Variants in UBXN2A observed in about 807,000 individuals in gnomAD.
UBXN2A encodes the protein UBX domain-containing protein 2A.
In UBXN2A, 28 loss-of-function variants were observed where a neutral mutation model predicts 28.4. The observed-to-expected ratio is 0.99, with a 90% CI of 0.73 to 1.35. The LOEUF is 1.35. UBXN2A is among the 40% of genes most tolerant of loss of function. The probability of loss-of-function intolerance (pLI) is 0.00; values close to 1 mark genes in which losing one functional copy is unlikely to be tolerated. For missense variants in UBXN2A, 253 were observed against 297.9 expected (o/e 0.85, Z 1.11); for synonymous variants, 97 against 103.6 (o/e 0.94, Z 0.39).
At chr2:23,995,709 A>C (rs1375590558) in intron 6 of UBXN2A, among the ~76,000 whole-genome samples, 11 of 151,346 alleles carry the variant, frequency 7.3e-5, no homozygotes, top group African/African-American at 2.7e-4. Flanking sequence ...AAAAAAGAAA[A>C]GAAAAAAAAA....
At chr2:23,961,386 G>A (rs1420884794) in intron 2 of UBXN2A, among the ~76,000 whole-genome samples, 4 of 152,040 alleles carry the variant, frequency 2.6e-5, no homozygotes, top group East Asian at 3.9e-4. Context: ...GTGAGCCACC[G>A]TGCCTGGCCT....
At chr2:23,933,598 TGTA>T (rs1245408058) in intron 1 of UBXN2A, among the ~76,000 whole-genome samples, 1 of 152,180 alleles carries the variant, frequency 6.6e-6, no homozygotes, top group Non-Finnish European at 1.5e-5. Context: ...TGTAAGTACC[TGTA>T]GTCCCAGCTA....
chr2:23,980,345 T>C (rs1707843339), intron 4 of UBXN2A, among the ~76,000 whole-genome samples: 2 of 152,194 alleles, frequency 1.3e-5, no homozygotes, highest in Admixed American at 1.3e-4. Flanking sequence ...TATATTAACT[T>C]TATGAAGAAC....
In UBXN2A at chr2:24,002,623, TG is replaced by T. The variant is rs994219970; in HGVS notation, c.*2758del. The T allele has an allele frequency of 6.6e-6, 1 of 152,170 alleles. No homozygotes were observed. Among genetic ancestry groups the T allele is most frequent in the African/African-American group, 2.4e-5 (1 of 41,438 alleles). 9.4% of individuals were successfully genotyped at this position (152,170 alleles called of 1,614,324 possible). ...CGGGGTTTCGCCATGTTGGCCTGGCTGGCCTCTAACTCGTAACCTCAGGTGA... is the reference window on the plus strand; with the variant it reads ...CGGGGTTTCGCCATGTTGGCCTGGCTGCCTCTAACTCGTAACCTCAGGTGA... On this transcript the variant is annotated 3_prime_UTR_variant, in exon 7 of 7. Coordinates refer to ENST00000309033, the MANE Select transcript of UBXN2A (RefSeq NM_181713.4).
chr2:23,951,130 T>A (rs1420339704), intron 1 of UBXN2A, among the ~76,000 whole-genome samples: 1 of 152,128 alleles, frequency 6.6e-6, no homozygotes, highest in Non-Finnish European at 1.5e-5. Flanking sequence ...GTGAGAACAT[T>A]TAAAACCCAT....
chr2:23,943,011 T>A (rs1024407626), intron 1 of UBXN2A, among the ~76,000 whole-genome samples: 2 of 151,534 alleles, frequency 1.3e-5, no homozygotes, highest in African/African-American at 2.4e-5. Context: ...GCAGGAGTGC[T>A]GTGGTGCAAT....
intron 1 of UBXN2A, among the ~76,000 whole-genome samples, chr2:23,945,616 C>T (rs1361819316): frequency 2.0e-5 from 3 of 152,018 alleles, no homozygotes; most frequent in East Asian, 3.9e-4. Context: ...TAAAAAGAAA[C>T]GTAAGCTTCT....
intron 1 of UBXN2A, among the ~76,000 whole-genome samples, chr2:23,953,119 C>G (rs1376575934): frequency 6.6e-6 from 1 of 151,950 alleles, no homozygotes; most frequent in East Asian, 1.9e-4. Context: ...GGATTCAAAT[C>G]TTTGAAATTA....
chr2:23,963,401 A>G (rs1707021775), intron 2 of UBXN2A, among the ~76,000 whole-genome samples: 1 of 151,222 alleles, frequency 6.6e-6, no homozygotes, highest in African/African-American at 2.4e-5. Flanking sequence ...TGTAATCCCA[A>G]CTACTCGGGG....
chr2:23,959,590 GA>G (rs1287662953), intron 2 of UBXN2A, among the ~76,000 whole-genome samples: 1 of 152,190 alleles, frequency 6.6e-6, no homozygotes, highest in Admixed American at 6.6e-5. Flanking sequence ...GAATTTGTAA[GA>G]TTTAGAATGT....
chr2:23,943,467 C>T (rs533513285), intron 1 of UBXN2A, among the ~76,000 whole-genome samples: 66 of 152,158 alleles, frequency 4.3e-4, no homozygotes, highest in Non-Finnish European at 6.6e-4. Context: ...GGAAGGTTTT[C>T]TAAAGGAGAT....
intron 2 of UBXN2A, among the ~76,000 whole-genome samples, chr2:23,962,905 C>T (rs923907040): frequency 6.6e-6 from 1 of 152,116 alleles, no homozygotes; most frequent in Non-Finnish European, 1.5e-5. Context: ...CCACCGCGTC[C>T]GGCAAGGAAG....
chr2:23,958,118 C>A (rs1367091648), intron 1 of UBXN2A, among the ~76,000 whole-genome samples, 183 bp from the exon 2 acceptor site: 1 of 152,150 alleles, frequency 6.6e-6, no homozygotes, highest in Non-Finnish European at 1.5e-5. Flanking sequence ...TTTCTTTTGT[C>A]AGATTATCAG....
chr2:23,973,563 C>T (rs1707515735), intron 3 of UBXN2A, among the ~76,000 whole-genome samples: 1 of 151,872 alleles, frequency 6.6e-6, no homozygotes. Flanking sequence ...TGGTTTCAAT[C>T]TCCTGACCTC....
At chr2:23,951,099 A>G (rs145664835) in intron 1 of UBXN2A, among the ~76,000 whole-genome samples, 111 of 152,206 alleles carry the variant, frequency 7.3e-4, no homozygotes, top group African/African-American at 2.5e-3. Flanking sequence ...CCTCAGCTCA[A>G]ATACTTAACA....
At position 23,943,177 on chromosome 2, in the gene UBXN2A, G is replaced by A. The variant is rs376955830; in HGVS notation, c.-15+2529G>A. Among the ~76,000 whole-genome samples the A allele has an allele frequency of 9.2e-4, 139 of 151,800 alleles. No homozygotes were observed. In the South Asian group the frequency reaches 0.02, roughly 22 times the overall value. ...TCACTGTGTTGGCCAGGCTGGTCTC[G>A]AACTCCAGACCTTCTGATCTGCCCA... On this transcript the variant is annotated intron_variant, in intron 1 of 6. Transcript: ENST00000309033.
intron 6 of UBXN2A, among the ~76,000 whole-genome samples, chr2:23,998,273 AG>A (rs1406899845): frequency 3.9e-5 from 6 of 152,192 alleles, no homozygotes; most frequent in African/African-American, 1.4e-4. Flanking sequence ...TATCTCTGAT[AG>A]GTACTTTTCT....
chr2:23,959,588 A>G (rs1367980197), intron 2 of UBXN2A, among the ~76,000 whole-genome samples: 1 of 152,180 alleles, frequency 6.6e-6, no homozygotes, highest in Non-Finnish European at 1.5e-5. Flanking sequence ...AAGAATTTGT[A>G]AGATTTAGAA....
At chr2:23,984,942 C>T in intron 6 of UBXN2A, 111 bp downstream of exon 6, 2 of 1,228,808 alleles carry the variant, frequency 1.6e-6, no homozygotes, top group Non-Finnish European at 1.1e-6. Context: ...TTCTTTGTTG[C>T]CCAGGCCAGA....
Sources: gnomAD v4.1 joint callset for allele counts (sites outside exome capture counted in the v4.1 genomes callset) on GRCh38, gnomAD v4.1.1 for gene constraint, MANE v1.5 for transcripts, NCBI Gene and HGNC (gene_info 2026-07-23, HGNC 2026-07-21) for gene names.